The following IQGAP2 variants were observed in gnomAD, a reference collection of about 807,000 sequenced individuals.
The protein encoded by IQGAP2 is ras GTPase-activating-like protein IQGAP2.
Under a neutral mutation model 201.3 loss-of-function variants are expected in IQGAP2, and 173 were observed. That is an observed-to-expected ratio of 0.86 (90% CI 0.76 to 0.98). The LOEUF is 0.98. Ranked by LOEUF, IQGAP2 falls within the 50% of genes least tolerant of loss-of-function variation. The probability of loss-of-function intolerance (pLI) is 0.00; values close to 1 mark genes in which losing one functional copy is unlikely to be tolerated. For synonymous variants in IQGAP2, 675 were observed against 673.9 expected, an observed-to-expected ratio of 1.00 and a Z score of -0.03; for missense variants, 1,687 against 1,864.8, an observed-to-expected ratio of 0.90 and a Z score of 1.76.
At chr5:76,559,505 C>T (rs530791431) in intron 2 of IQGAP2, among the ~76,000 whole-genome samples, 73 of 152,318 alleles carry the variant, frequency 4.8e-4, no homozygotes, top group Non-Finnish European at 9.8e-4. Flanking sequence ...CCTAGCTTCA[C>T]GGGAAGGCCC....
chr5:76,513,846 G>GGTT lies in IQGAP2; in HGVS notation c.147-48550_147-48549insGTT, dbSNP rs565721115. Among the ~76,000 whole-genome samples, 366 of 152,112 alleles carry GGTT rather than the reference G, an allele frequency of 2.4e-3. 3 individuals are homozygous for GGTT. The highest frequency in any genetic ancestry group is 8.4e-3 in the African/African-American group (350 of 41,476). ...ACAGTGAGCCATCACATGAACTATGGATTATAGTTATTAATAACATATGGA... is the reference window on the plus strand; with the variant it reads ...ACAGTGAGCCATCACATGAACTATGGGTTATTATAGTTATTAATAACATATGGA... On this transcript the variant is annotated intron_variant, in intron 2 of 35. Transcript: ENST00000274364.
intron 8 of IQGAP2, among the ~76,000 whole-genome samples, chr5:76,591,670 C>T (rs1746662795): frequency 1.3e-5 from 2 of 152,178 alleles, no homozygotes; most frequent in African/African-American, 4.8e-5. Context: ...GCCTCTTTCT[C>T]CTCTTCCTTC....
chr5:76,560,229 T>G (rs981469401), intron 2 of IQGAP2, among the ~76,000 whole-genome samples: 3 of 152,108 alleles, frequency 2.0e-5, no homozygotes, highest in Non-Finnish European at 4.4e-5. Context: ...TACAGCTTAC[T>G]GCAGCCTCAA....
intron 1 of IQGAP2, among the ~76,000 whole-genome samples, chr5:76,411,257 G>C (rs1188527378): frequency 4.6e-5 from 7 of 152,192 alleles, no homozygotes; most frequent in African/African-American, 1.7e-4. Context: ...GAAAACACAT[G>C]GGTATGTTAT....
chr5:76,587,364 TG>T (rs1746319467), intron 5 of IQGAP2, among the ~76,000 whole-genome samples: 1 of 151,868 alleles, frequency 6.6e-6, no homozygotes, highest in Non-Finnish European at 1.5e-5. Context: ...CACAAAGATG[TG>T]TCTGTGTCTA....
intron 34 of IQGAP2, among the ~76,000 whole-genome samples, 154 bp from the exon 35 acceptor site, chr5:76,702,325 TGGG>T (rs1747475771): frequency 6.6e-6 from 1 of 152,198 alleles, no homozygotes; most frequent in South Asian, 2.1e-4. Flanking sequence ...AGAGCAGAAT[TGGG>T]GGAAAGATGA....
chr5:76,551,856 C>T (rs1038403637), intron 2 of IQGAP2, among the ~76,000 whole-genome samples: 7 of 83,732 alleles, frequency 8.4e-5, no homozygotes, highest in East Asian at 9.0e-4. Context: ...AAGAGGGAGA[C>T]GGGAGAGGGA....
chr5:76,673,738 C>A, intron 25 of IQGAP2, 149 bp downstream of exon 25: 1 of 860,754 alleles, frequency 1.2e-6, no homozygotes, highest in Non-Finnish European at 1.8e-6. Flanking sequence ...TTTTAAATTC[C>A]TGACTGTTCT....
chr5:76,618,019 T>C (rs143031972), intron 13 of IQGAP2: 14 of 1,614,150 alleles, frequency 8.7e-6, no homozygotes, highest in African/African-American at 1.3e-5. Flanking sequence ...TGCTTCAGTA[T>C]GAAAAATGGC....
intron 1 of IQGAP2, among the ~76,000 whole-genome samples, chr5:76,433,521 C>T (rs1181283133): frequency 6.6e-6 from 1 of 152,210 alleles, no homozygotes; most frequent in East Asian, 1.9e-4. Context: ...AACTCTCCCA[C>T]CCCTTCAGAC....
chr5:76,582,507 C>T (rs1745939209), intron 5 of IQGAP2, among the ~76,000 whole-genome samples: 1 of 152,164 alleles, frequency 6.6e-6, no homozygotes, highest in Admixed American at 6.5e-5. Context: ...GGTCTTTCTG[C>T]TCTACCATGA....
intron 2 of IQGAP2, among the ~76,000 whole-genome samples, chr5:76,474,886 AT>A (rs1464014016): frequency 1.3e-5 from 2 of 152,044 alleles, no homozygotes; most frequent in African/African-American, 2.4e-5. Context: ...CTGATTTTGT[AT>A]TTTTAGTAGA....
chr5:76,583,894 A>G (rs991427964), intron 5 of IQGAP2, among the ~76,000 whole-genome samples: 2 of 151,532 alleles, frequency 1.3e-5, no homozygotes, highest in African/African-American at 4.9e-5. Context: ...TTTTTGAGAC[A>G]CAGAGTCTTG....
rs1205950494 is a variant in IQGAP2 at position 76,597,485 on chromosome 5, C to T, written c.954C>T (p.Asp318=). 2 of 1,613,918 alleles carry T rather than the reference C, an allele frequency of 1.2e-6. No individual in the cohort carries two copies. Among genetic ancestry groups the T allele is most frequent in the Middle Eastern group, 1.6e-4 (1 of 6,082 alleles). ...DHINAVIPEG[D]PENTLLALKK... is the part of the protein sequence containing the mutation. ...TCAATGCTGTCATTCCGGAAGGTGACCCCGAGAATACGCTGCTTGCACTGA... is the reference window on the plus strand; with the variant it reads ...TCAATGCTGTCATTCCGGAAGGTGATCCCGAGAATACGCTGCTTGCACTGA... Residue 318 remains aspartate, a synonymous_variant, in exon 10 of 36, where the codon GAC becomes GAT. Coordinates refer to ENST00000274364, the MANE Select transcript of IQGAP2 (RefSeq NM_006633.5).
At chr5:76,601,246 T>C (rs1747408751) in intron 11 of IQGAP2, among the ~76,000 whole-genome samples, 1 of 152,242 alleles carries the variant, frequency 6.6e-6, no homozygotes, top group Admixed American at 6.5e-5. Context: ...AAAGGAACTA[T>C]TGGAAACATA....
chr5:76,667,992 A>C (rs1743943903), intron 22 of IQGAP2, among the ~76,000 whole-genome samples: 1 of 149,946 alleles, frequency 6.7e-6, no homozygotes, highest in Admixed American at 6.7e-5. Flanking sequence ...GATCCTCCCA[A>C]CCTCAGCCTC....
intron 3 of IQGAP2, among the ~76,000 whole-genome samples, chr5:76,568,287 G>A (rs1308854424): frequency 6.6e-6 from 1 of 152,136 alleles, no homozygotes; most frequent in Non-Finnish European, 1.5e-5. Context: ...TTAACATGAA[G>A]CACTGAAATT....
chr5:76,422,535 A>C (rs1390149251), intron 1 of IQGAP2, among the ~76,000 whole-genome samples: 2 of 152,212 alleles, frequency 1.3e-5, no homozygotes, highest in East Asian at 1.9e-4. Flanking sequence ...CTCTGTGTGG[A>C]GTTCCCAGGA....
rs116227666 is a variant in IQGAP2, at chr5:76,530,398, G to A, written c.147-31998G>A. On this transcript the variant is annotated intron_variant, in intron 2 of 35. Transcript: ENST00000274364. ...AGTGTGAAAAGAAAGTTTACCCAGC[G>A]TTTTCTTGGCAACTGAGACTTCTTG... 3.3e-3 allele frequency among the ~76,000 whole-genome samples: 504 copies of A among 152,214 alleles called. 3 individuals carry two copies. Among genetic ancestry groups the A allele is most frequent in the African/African-American group, 0.012 (486 of 41,544 alleles).
Sources: allele counts gnomAD v4.1 joint callset (sites outside exome capture counted in the v4.1 genomes callset), GRCh38; gene constraint gnomAD v4.1.1; transcripts MANE v1.5; gene names NCBI Gene and HGNC (gene_info 2026-07-23, HGNC 2026-07-21).